ACTR3B: variants seen among roughly 807,000 people sequenced by gnomAD.
The protein encoded by ACTR3B is actin related protein 3B.
In ACTR3B, 8 loss-of-function variants were observed where a neutral mutation model predicts 59.0. The observed-to-expected ratio is 0.14, with a 90% CI of 0.08 to 0.24. ACTR3B has a LOEUF of 0.24. Ranked by LOEUF, ACTR3B falls within the 10% of genes least tolerant of loss-of-function variation. The pLI is 1.00. For missense variants in ACTR3B, 245 were observed against 552.3 expected (o/e 0.44, Z 5.58); for synonymous variants, 148 against 197.9 (o/e 0.75, Z 2.12).
chr7:152,822,832 C>A (rs1487724723), intron 7 of ACTR3B, among the ~76,000 whole-genome samples: 1 of 152,258 alleles, frequency 6.6e-6, no homozygotes, highest in Non-Finnish European at 1.5e-5. Flanking sequence ...AGATTAACAA[C>A]CAGCAGGTTG....
At chr7:152,820,187 T>C in intron 6 of ACTR3B, 112 bp from the exon 7 acceptor site, 1 of 1,537,894 alleles carries the variant, frequency 6.5e-7, no homozygotes, top group Non-Finnish European at 8.8e-7. Flanking sequence ...TAAATGCTTG[T>C]CAGTGCCATG....
chr7:152,769,062 A>G (rs1424370714), intron 1 of ACTR3B, among the ~76,000 whole-genome samples: 1 of 151,836 alleles, frequency 6.6e-6, no homozygotes, highest in African/African-American at 2.4e-5. Context: ...CATGTTGGCT[A>G]GGCTGGTCTC....
intron 1 of ACTR3B, among the ~76,000 whole-genome samples, chr7:152,781,073 C>T (rs1347653313): frequency 1.3e-5 from 2 of 151,402 alleles, no homozygotes; most frequent in Non-Finnish European, 2.9e-5. Flanking sequence ...AGTGTGGTGC[C>T]AAAGTGCATG....
At chr7:152,768,868 A>G (rs1013258737) in intron 1 of ACTR3B, among the ~76,000 whole-genome samples, 1 of 147,666 alleles carries the variant, frequency 6.8e-6, no homozygotes, top group African/African-American at 2.5e-5. Flanking sequence ...TTTTTTTTTT[A>G]ATTGAGACCG....
At chr7:152,811,598 C>T (rs751215735) in intron 4 of ACTR3B, 11 of 152,054 alleles carry the variant, frequency 7.2e-5, no homozygotes, top group Non-Finnish European at 1.3e-4. Flanking sequence ...TTGTTTTTCT[C>T]TTTGCTTTTT....
chr7:152,761,129 T>C (rs2117090373), intron 1 of ACTR3B, among the ~76,000 whole-genome samples: 1 of 152,344 alleles, frequency 6.6e-6, no homozygotes, highest in Admixed American at 6.5e-5. Context: ...TCCTCTTTGC[T>C]TGTGTGAATT....
chr7:152,765,063 CTTAT>C (rs2098104085), intron 1 of ACTR3B, among the ~76,000 whole-genome samples: 1 of 146,992 alleles, frequency 6.8e-6, no homozygotes, highest in South Asian at 2.2e-4. Flanking sequence ...CTTTATTTTA[CTTAT>C]TTATTTTTAT....
chr7:152,854,170 A>G lies in ACTR3B; in HGVS notation c.1162-288A>G, dbSNP rs1799070200. ...AATCATTAATTCCAGTGACTTTTCCAAATAATTATTACTTTTCCCCCTCAC... is the reference window on the plus strand; with the variant it reads ...AATCATTAATTCCAGTGACTTTTCCGAATAATTATTACTTTTCCCCCTCAC... On this transcript the variant is annotated intron_variant, in intron 11 of 11. Transcript: ENST00000256001. This position sits in a 1 kb window ranked among gnomAD's most constrained non-coding sequence, Gnocchi z 4.9. Among the ~76,000 whole-genome samples, 1 of 152,244 alleles carries G rather than the reference A, an allele frequency of 6.6e-6. No individual in the cohort carries two copies. The highest frequency in any genetic ancestry group is 1.5e-5 in the Non-Finnish European group (1 of 68,044).
chr7:152,764,627 C>G (rs2098102248), intron 1 of ACTR3B, among the ~76,000 whole-genome samples: 2 of 143,256 alleles, frequency 1.4e-5, no homozygotes, highest in South Asian at 4.5e-4. Flanking sequence ...AGCCTGGCAA[C>G]AGCGAGACTC....
At chr7:152,822,151 T>C (rs1307603690) in intron 7 of ACTR3B, among the ~76,000 whole-genome samples, 2 of 152,248 alleles carry the variant, frequency 1.3e-5, no homozygotes, top group East Asian at 3.8e-4. Context: ...ACTTCTTGCC[T>C]GTCAGTCTTC....
At chr7:152,768,114 A>G (rs1270055430) in intron 1 of ACTR3B, among the ~76,000 whole-genome samples, 6 of 152,246 alleles carry the variant, frequency 3.9e-5, no homozygotes, top group African/African-American at 9.6e-5. Flanking sequence ...TCCCAGCTAC[A>G]TGGGAGGTTG....
At chr7:152,834,022 A>G (rs1797238212) in intron 9 of ACTR3B, among the ~76,000 whole-genome samples, 1 of 152,026 alleles carries the variant, frequency 6.6e-6, no homozygotes, top group Non-Finnish European at 1.5e-5. Context: ...AAGAGAACTT[A>G]GACTCTACAG....
chr7:152,844,944 C>A (rs534393289), intron 9 of ACTR3B, among the ~76,000 whole-genome samples: 1 of 147,518 alleles, frequency 6.8e-6, no homozygotes, highest in South Asian at 2.2e-4. Context: ...TTATCTACTT[C>A]TAGGCCAGAA....
intron 1 of ACTR3B, among the ~76,000 whole-genome samples, chr7:152,767,995 C>T (rs1462086071): frequency 1.3e-5 from 2 of 152,192 alleles, no homozygotes; most frequent in Non-Finnish European, 2.9e-5. Context: ...CCGAAGCAGG[C>T]AGATCACTTG....
chr7:152,790,550 T>C (rs2098192257), intron 2 of ACTR3B, among the ~76,000 whole-genome samples: 1 of 152,114 alleles, frequency 6.6e-6, no homozygotes, highest in African/African-American at 2.4e-5. Context: ...TGCTGAACTG[T>C]AATTGCAAAT....
At chr7:152,785,402 GGGGAGA>G (rs1563089891) in intron 2 of ACTR3B, among the ~76,000 whole-genome samples, 2 of 9,090 alleles carry the variant, frequency 2.2e-4, no homozygotes, top group Non-Finnish European at 2.4e-4. Flanking sequence ...GGAGGGGGAG[GGGGAGA>G]GGGAGGGAGA....
chr7:152,791,842 G>A (rs1447398374), intron 2 of ACTR3B, among the ~76,000 whole-genome samples: 1 of 152,156 alleles, frequency 6.6e-6, no homozygotes, highest in Non-Finnish European at 1.5e-5. Flanking sequence ...TAAACTGACA[G>A]TAGTACATCA....
chr7:152,844,214 T>C (rs1182300374), intron 9 of ACTR3B, among the ~76,000 whole-genome samples: 2 of 152,038 alleles, frequency 1.3e-5, no homozygotes, highest in African/African-American at 2.4e-5. Context: ...CATGCCACCA[T>C]GCCCAGCTAA....
chr7:152,809,915 C>CT (rs56227383), intron 4 of ACTR3B, among the ~76,000 whole-genome samples: 6 of 150,912 alleles, frequency 4.0e-5, no homozygotes, highest in African/African-American at 1.2e-4. Context: ...TTGAATTAAA[C>CT]TTTTTTTTTT....
Sources: gnomAD v4.1 joint callset for allele counts (sites outside exome capture counted in the v4.1 genomes callset) on GRCh38, gnomAD v4.1.1 for gene constraint, Gnocchi (gnomAD v3.1) non-coding constraint, MANE v1.5 for transcripts, NCBI Gene and HGNC (gene_info 2026-07-23, HGNC 2026-07-21) for gene names.